The following GRK5 variants were observed in gnomAD, a reference collection of about 807,000 sequenced individuals.
GRK5 encodes the protein G protein-coupled receptor kinase 5, also known as g protein-coupled receptor kinase GRK5.
Under a neutral mutation model 78.4 loss-of-function variants are expected in GRK5, and 40 were observed. That is an observed-to-expected ratio of 0.51 (90% CI 0.40 to 0.66). The LOEUF is 0.66. Ranked by LOEUF, GRK5 falls within the 30% of genes least tolerant of loss-of-function variation. The pLI is 0.00. For synonymous variants in GRK5, 289 were observed against 296.8 expected (o/e 0.97, Z 0.27); for missense variants, 598 against 759.9 (o/e 0.79, Z 2.50).
chr10:119,385,786 A>G (rs1164429504), intron 3 of GRK5, among the ~76,000 whole-genome samples: 1 of 152,142 alleles, frequency 6.6e-6, no homozygotes, highest in Non-Finnish European at 1.5e-5. Flanking sequence ...TGTCCACCAG[A>G]TCCTTGAGTG....
rs1374263347 is a variant in GRK5, at chr10:119,379,320, T to A, written c.149-1495T>A. 6.6e-6 allele frequency among the ~76,000 whole-genome samples: 1 copy of A among 152,118 alleles called. No individual in the cohort carries two copies. The highest frequency in any genetic ancestry group is 1.5e-5 in the Non-Finnish European group (1 of 68,018). On this transcript the variant is annotated intron_variant, in intron 2 of 15. Coordinates refer to ENST00000392870, the MANE Select transcript of GRK5 (RefSeq NM_005308.3). The surrounding 1 kb of genome is among the most constrained non-coding windows in gnomAD (Gnocchi z 4.1). The stretch of plus-strand genomic sequence containing the variant: ...CCCAGGTTACACAGGCAGTGAGCGA[T>A]GGGCTGGGATTCAAACCAAGGCAGT...
intron 1 of GRK5, among the ~76,000 whole-genome samples, chr10:119,292,922 A>C (rs1312594961): frequency 1.3e-5 from 2 of 151,528 alleles, no homozygotes; most frequent in Non-Finnish European, 2.9e-5. Context: ...TGGATATGGG[A>C]GGCCAACTGC....
intron 2 of GRK5, among the ~76,000 whole-genome samples, chr10:119,353,622 C>T (rs1253936242): frequency 1.3e-5 from 2 of 152,194 alleles, no homozygotes; most frequent in Admixed American, 1.3e-4. Context: ...GCTGCGGCCT[C>T]TGGCAGCAAA....
At chr10:119,444,178 G>C (rs1853097596) in intron 12 of GRK5, among the ~76,000 whole-genome samples, 1 of 151,996 alleles carries the variant, frequency 6.6e-6, no homozygotes, top group East Asian at 1.9e-4. Context: ...TAAGACGAAG[G>C]GCTACAGGGG....
At chr10:119,386,471 A>G (rs1195483030) in intron 3 of GRK5, among the ~76,000 whole-genome samples, 2 of 152,106 alleles carry the variant, frequency 1.3e-5, no homozygotes, top group African/African-American at 4.8e-5. Flanking sequence ...AAAAAATCCA[A>G]TGGATGCCCA....
chr10:119,260,081 G>C (rs1849349106), intron 1 of GRK5, among the ~76,000 whole-genome samples: 1 of 151,962 alleles, frequency 6.6e-6, no homozygotes, highest in African/African-American at 2.4e-5. Context: ...TTCACTGCAA[G>C]CTCTGTCTCC....
intron 4 of GRK5, among the ~76,000 whole-genome samples, chr10:119,407,171 C>G (rs757080047): frequency 1.3e-5 from 2 of 152,186 alleles, no homozygotes; most frequent in Non-Finnish European, 2.9e-5. Context: ...TCCCCAGGCT[C>G]TGACTTTGAG....
chr10:119,436,910 C>T (rs937228722), intron 9 of GRK5, 69 bp downstream of exon 9: 17 of 1,412,926 alleles, frequency 1.2e-5, no homozygotes, highest in South Asian at 5.5e-5. Context: ...TCCACACCCT[C>T]GGGCAGGTGG....
chr10:119,443,395 C>T, intron 11 of GRK5, 149 bp from the exon 12 acceptor site: 1 of 651,910 alleles, frequency 1.5e-6, no homozygotes, highest in South Asian at 2.0e-5. Flanking sequence ...AGAGGAGAGT[C>T]ATCAGGGCAA....
intron 1 of GRK5, among the ~76,000 whole-genome samples, chr10:119,308,276 C>T (rs1355405004): frequency 2.6e-5 from 4 of 152,114 alleles, no homozygotes; most frequent in South Asian, 2.1e-4. Context: ...ACCCCAGGCA[C>T]GCCTCACCCT....
At chr10:119,359,116 A>C (rs750828127) in intron 2 of GRK5, among the ~76,000 whole-genome samples, 6 of 152,208 alleles carry the variant, frequency 3.9e-5, no homozygotes, top group Non-Finnish European at 7.3e-5. Context: ...CACTGTTTGG[A>C]GTCCCCTAGG....
intron 2 of GRK5, among the ~76,000 whole-genome samples, chr10:119,367,912 G>A (rs766209554): frequency 4.6e-5 from 7 of 152,240 alleles, no homozygotes; most frequent in African/African-American, 1.4e-4. Context: ...CAGCACAGCC[G>A]TGATCCTCGC....
intron 6 of GRK5, among the ~76,000 whole-genome samples, 183 bp downstream of exon 6, chr10:119,425,268 T>TACACACACACACAC (rs112640010): frequency 0.018 from 2,284 of 126,678 alleles, 19 homozygotes; most frequent in African/African-American, 0.033. Flanking sequence ...CACACACACA[T>TACACACACACACAC]ACACACACAC....
At chr10:119,268,962 C>T (rs968014627) in intron 1 of GRK5, among the ~76,000 whole-genome samples, 3 of 152,304 alleles carry the variant, frequency 2.0e-5, no homozygotes, top group Non-Finnish European at 4.4e-5. Flanking sequence ...GCGGAGTCCC[C>T]ATGGGCCTTG....
intron 1 of GRK5, among the ~76,000 whole-genome samples, chr10:119,232,517 C>T (rs1340299393): frequency 6.6e-6 from 1 of 152,148 alleles, no homozygotes; most frequent in Non-Finnish European, 1.5e-5. Context: ...TTCCCACCCA[C>T]ATCTCATCTT....
intron 1 of GRK5, among the ~76,000 whole-genome samples, chr10:119,261,647 G>T (rs375218140): frequency 1.3e-5 from 2 of 152,160 alleles, no homozygotes; most frequent in East Asian, 3.9e-4. Flanking sequence ...CTGCAATCCC[G>T]GCACCTCGGG....
At chr10:119,331,602 G>T (rs1850780582) in intron 2 of GRK5, among the ~76,000 whole-genome samples, 1 of 152,250 alleles carries the variant, frequency 6.6e-6, no homozygotes. Flanking sequence ...AGGGGACAGG[G>T]CCCCTTTAGG....
At position 119,380,820 on chromosome 10, in the gene GRK5, G is replaced by C. The variant is rs1163077540; in HGVS notation, c.154G>C (p.Asp52His). ...TCTTCTTTTCTTGTCTCCAGACAGA[G>C]ATTACTGCAGTTTATGTGACAAGCA... Reference protein sequence around the residue: ...CEDLRRTIDRDYCSLCDKQPI... With the variant: ...CEDLRRTIDRHYCSLCDKQPI... The change falls in exon 3 of 16, where the codon GAT becomes CAT. Residue 52 changes from aspartate to histidine, a missense_variant. Asp to His is a moderately conservative substitution (Grantham distance 81, BLOSUM62 -1). Transcript: ENST00000392870. 6.2e-7 allele frequency: 1 copy of C among 1,604,878 alleles called. No homozygotes were observed. The highest frequency in any genetic ancestry group is 1.1e-5 in the South Asian group (1 of 90,828).
chr10:119,223,432 T>C (rs921643529), intron 1 of GRK5, among the ~76,000 whole-genome samples: 3 of 152,164 alleles, frequency 2.0e-5, no homozygotes, highest in Admixed American at 1.3e-4. Context: ...CTTTTGGGGA[T>C]AGCCTGTATT....
Sources: gnomAD v4.1 joint callset for allele counts (sites outside exome capture counted in the v4.1 genomes callset) on GRCh38, gnomAD v4.1.1 for gene constraint, Gnocchi (gnomAD v3.1) non-coding constraint, MANE v1.5 for transcripts, NCBI Gene and HGNC (gene_info 2026-07-23, HGNC 2026-07-21) for gene names.